Variants in VSIR observed in about 807,000 individuals in gnomAD.
VSIR encodes V-type immunoglobulin domain-containing suppressor of T-cell activation.
Under a neutral mutation model 31.0 loss-of-function variants are expected in VSIR, and 10 were observed. The ratio of observed to expected loss-of-function variants is 0.32; its 90% confidence interval spans 0.20 to 0.55. The LOEUF is 0.55. Among genes scored for constraint, VSIR ranks in the 20% least tolerant of loss-of-function variants. The pLI is 0.93. For synonymous variants in VSIR, 179 were observed against 180.1 expected, an observed-to-expected ratio of 0.99 and a Z score of 0.05; for missense variants, 356 against 416.2, an observed-to-expected ratio of 0.86 and a Z score of 1.26.
At position 71,756,128 on chromosome 10, in the gene VSIR, T is replaced by C. The variant is rs181226024; in HGVS notation, c.569-662A>G. On this transcript the variant is annotated intron_variant, in intron 3 of 6. Coordinates refer to ENST00000394957, the MANE Select transcript of VSIR (RefSeq NM_022153.2). Reference sequence around the variant, plus strand: ...AAACGTGAATCCTTGTACAATGTTTTTCAATTTTAAACTTATTAAACTACC... The same window carrying C: ...AAACGTGAATCCTTGTACAATGTTTCTCAATTTTAAACTTATTAAACTACC... Among the ~76,000 whole-genome samples the C allele has an allele frequency of 7.5e-3, 1,149 of 152,236 alleles. 27 individuals are homozygous for C. The highest frequency in any genetic ancestry group is 3.7e-3 in the Admixed American group (57 of 15,300).
chr10:71,765,021 T>G (rs1840498770), intron 1 of VSIR, among the ~76,000 whole-genome samples: 1 of 152,098 alleles, frequency 6.6e-6, no homozygotes, highest in African/African-American at 2.4e-5. Context: ...CTGAGTGGGG[T>G]GGGTGTAGCT....
intron 3 of VSIR, among the ~76,000 whole-genome samples, chr10:71,756,325 C>T (rs1840146731): frequency 1.3e-5 from 2 of 152,302 alleles, no homozygotes; most frequent in East Asian, 3.9e-4. Context: ...CTGAGCACAG[C>T]TTGGACATCT....
At chr10:71,753,771 A>T in intron 4 of VSIR, 1 of 456,444 alleles carries the variant, frequency 2.2e-6, no homozygotes, top group Non-Finnish European at 4.4e-6. Context: ...ATGGGGAAAC[A>T]GATGGTGGGG....
At chr10:71,772,415 G>C (rs74145650) in intron 1 of VSIR, among the ~76,000 whole-genome samples, 78 of 152,274 alleles carry the variant, frequency 5.1e-4, no homozygotes, top group African/African-American at 1.9e-3. Context: ...ATAAAGTTTG[G>C]TTCCACAGGC....
At chr10:71,769,680 G>A (rs1840643149) in intron 1 of VSIR, among the ~76,000 whole-genome samples, 1 of 152,310 alleles carries the variant, frequency 6.6e-6, no homozygotes, top group Middle Eastern at 3.4e-3. Context: ...TTCCCATGAT[G>A]AGTGAACAGC....
chr10:71,762,701 G>C lies in VSIR; in HGVS notation c.83-675C>G, dbSNP rs145729881. ...TGAAGGAGGGAGAGTCTTTGGACTT[G>C]GTGCATAGATAGGATTTCAGCCAGT... is the stretch of plus-strand genomic sequence containing the variant. On this transcript the variant is annotated intron_variant, in intron 1 of 6. Transcript: ENST00000394957. Among the ~76,000 whole-genome samples, 565 of 152,340 alleles carry C rather than the reference G, an allele frequency of 3.7e-3. 6 individuals carry two copies. The highest frequency in any genetic ancestry group is 0.013 in the African/African-American group (528 of 41,580).
intron 1 of VSIR, among the ~76,000 whole-genome samples, chr10:71,768,257 G>A (rs1193842954): frequency 1.3e-5 from 2 of 152,086 alleles, no homozygotes; most frequent in South Asian, 2.1e-4. Context: ...TGCAACCTCC[G>A]CCTCCCAGGT....
At chr10:71,769,363 G>A (rs1404671201) in intron 1 of VSIR, among the ~76,000 whole-genome samples, 1 of 152,076 alleles carries the variant, frequency 6.6e-6, no homozygotes, top group Non-Finnish European at 1.5e-5. Flanking sequence ...TGGTTTTCCT[G>A]TTACGTTCTT....
chr10:71,758,249 G>C (rs1840199092), intron 3 of VSIR, among the ~76,000 whole-genome samples: 1 of 152,208 alleles, frequency 6.6e-6, no homozygotes, highest in Non-Finnish European at 1.5e-5. Context: ...CCTTTGAGTT[G>C]GGTTTTGTTG....
At chr10:71,755,813 G>C (rs941650669) in intron 3 of VSIR, among the ~76,000 whole-genome samples, 1 of 152,174 alleles carries the variant, frequency 6.6e-6, no homozygotes, top group South Asian at 2.1e-4. Context: ...AGGGAGAGCA[G>C]GGCCTTCGCA....
Position 71,750,125 on chromosome 10 carries a change from G to A in VSIR, c.*1128C>T, listed in dbSNP as rs1465940119. 2 of 152,164 alleles carry A rather than the reference G, an allele frequency of 1.3e-5. No homozygotes were observed. The highest frequency in any genetic ancestry group is 2.9e-5 in the Non-Finnish European group (2 of 68,134). The allele number at this position is 152,164 out of a possible 1,614,324, so 9.4% of individuals were successfully genotyped here. A position where few individuals can be genotyped will look rare whatever the true frequency, so the allele number is the denominator to read the frequency against. ...CACAATTCCACAGAGGACTCACCTT[G>A]CCTATGTGTATAAAAACAAAGCCAG... On this transcript the variant is annotated 3_prime_UTR_variant, in exon 7 of 7. Coordinates refer to ENST00000394957, the MANE Select transcript of VSIR (RefSeq NM_022153.2).
At position 71,773,435 on chromosome 10, in the gene VSIR, C is replaced by T; in HGVS notation, c.5G>A (p.Gly2Asp). Reference protein sequence around the residue: MGVPTALEAGSW... With the variant: MDVPTALEAGSW... Reference sequence around the variant, plus strand: ...GCCGGCCTCCAGGGCCGTGGGGACGCCCATGTCGCCGTCGGACGCGCAGAG... The same window carrying T: ...GCCGGCCTCCAGGGCCGTGGGGACGTCCATGTCGCCGTCGGACGCGCAGAG... The change falls in exon 1 of 7, where the codon GGC (glycine) becomes GAC (aspartate). Residue 2 changes from glycine to aspartate, a missense_variant. Around this residue, in one of 2 missense-constraint regions of VSIR, gnomAD observed 166 missense variants for 231.0 expected, o/e 0.72. Transcript: ENST00000394957. 1 of 1,596,838 alleles carries T rather than the reference C, an allele frequency of 6.3e-7. No individual in the cohort carries two copies.
At position 71,755,390 on chromosome 10, in the gene VSIR, G is replaced by T. The variant is rs779562040; in HGVS notation, c.645C>A (p.Val215=). Residue 215 remains valine, a synonymous_variant, in exon 4 of 7, where the codon GTC becomes GTA. Transcript: ENST00000394957. ...TGGAGGCTGCCTGCCTTTGCTTGTA[G>T]ACCAGGAGCAGGATGAGGGGGAGGC... The part of the protein sequence containing the change: ...ILCLPLILLL[V]YKQRQAASNR... The T allele has an allele frequency of 6.2e-7, 1 of 1,613,290 alleles. No individual in the cohort carries two copies. Among genetic ancestry groups the T allele is most frequent in the South Asian group, 1.1e-5 (1 of 90,984 alleles).
At chr10:71,759,829 A>ACACACACACACACG (rs1309238317) in intron 3 of VSIR, among the ~76,000 whole-genome samples, 1,325 of 66,012 alleles carry the variant, frequency 0.02, 293 homozygotes, top group African/African-American at 0.055. Flanking sequence ...ATACACACAC[A>ACACACACACACACG]CACACACACA....
chr10:71,762,269 A>G (rs569160589), intron 1 of VSIR, among the ~76,000 whole-genome samples: 1 of 152,330 alleles, frequency 6.6e-6, no homozygotes, highest in East Asian at 1.9e-4. Context: ...CAGGGCAGGG[A>G]GAGACTTGGA....
rs769960085 is a variant in VSIR, at chr10:71,751,687, G to A, written c.879C>T (p.Asp293=). The A allele has an allele frequency of 7.4e-5, 114 of 1,541,394 alleles. 1 individual carries two copies. Among genetic ancestry groups the A allele is most frequent in the South Asian group, 3.4e-4 (27 of 79,890 alleles). Residue 293 remains aspartate (D), a synonymous_variant, in exon 6 of 7, where the codon GAC becomes GAT. Transcript: ENST00000394957. The surrounding 1 kb of genome is among the most constrained non-coding windows in gnomAD (Gnocchi z 4.9). ...STPLSPPGPG[D]VFFPSLDPVP... is the part of the protein sequence containing the mutation. ...ACTTACCCAGGGATGGGAAGAAGAC[G>A]TCTCCGGGGCCTGGAGGAGACAGGG...
At position 71,747,712 on chromosome 10, in the gene VSIR, A is replaced by G. The variant is rs893518913; in HGVS notation, c.*3541T>C. 7.9e-5 allele frequency: 12 copies of G among 152,286 alleles called. No individual in the cohort carries two copies. Among genetic ancestry groups the G allele is most frequent in the Non-Finnish European group, 1.6e-4 (11 of 68,058 alleles). The allele number at this position is 152,286 out of a possible 1,614,324, so 9.4% of individuals were successfully genotyped here. Reference sequence around the variant, plus strand: ...TACAACACATGTGAAAGTGTGTTGGAAAGCACCAAGTATTCTAACAGAAAA... The same window carrying G: ...TACAACACATGTGAAAGTGTGTTGGGAAGCACCAAGTATTCTAACAGAAAA... On this transcript the variant is annotated 3_prime_UTR_variant, in exon 7 of 7. Transcript: ENST00000394957.
In VSIR at chr10:71,751,608, G is replaced by A. The variant is rs535064782; in HGVS notation, c.898+60C>T. The A allele has an allele frequency of 6.7e-6, 10 of 1,483,122 alleles. No individual in the cohort carries two copies. In the African/African-American group the frequency reaches 1.3e-4, roughly 19 times the overall value. 91.9% of individuals were successfully genotyped at this position (1,483,122 alleles called of 1,614,324 possible). On this transcript the variant is annotated intron_variant, in intron 6 of 6. Transcript: ENST00000394957. The surrounding 1 kb of genome is among the most constrained non-coding windows in gnomAD (Gnocchi z 4.9). Reference sequence around the variant, plus strand: ...GGGCAGGGAGTGAGGCCGATGCCCTGCAGGCCATGAGGTCATGACCTTACA... The same window carrying A: ...GGGCAGGGAGTGAGGCCGATGCCCTACAGGCCATGAGGTCATGACCTTACA...
At chr10:71,754,555 C>T in intron 4 of VSIR, among the ~76,000 whole-genome samples, 1 of 152,192 alleles carries the variant, frequency 6.6e-6, no homozygotes, top group East Asian at 1.9e-4. Context: ...GGGTCAGGAA[C>T]TAGGCAAGGG....
Sources: allele counts gnomAD v4.1 joint callset (sites outside exome capture counted in the v4.1 genomes callset), GRCh38; gene constraint gnomAD v4.1.1; regional missense constraint gnomAD v4.1.1; non-coding constraint Gnocchi (gnomAD v3.1); transcripts MANE v1.5; gene names NCBI Gene and HGNC (gene_info 2026-07-23, HGNC 2026-07-21).